Variants in CAB39 observed in about 807,000 individuals in gnomAD.
The protein encoded by CAB39 is calcium-binding protein 39.
A neutral mutation model predicts 40.0 loss-of-function variants in CAB39; 8 were observed. The ratio of observed to expected loss-of-function variants is 0.20; its 90% CI spans 0.12 to 0.36. The LOEUF (loss-of-function observed/expected upper bound fraction) is 0.36, where lower values mean the gene tolerates loss of function less well. CAB39 is among the 10% of genes least tolerant of loss of function. CAB39 has a pLI of 1.00. For missense variants in CAB39, 270 were observed against 401.1 expected, an observed-to-expected ratio of 0.67 and a Z score of 2.79; for synonymous variants, 156 against 141.6, an observed-to-expected ratio of 1.10 and a Z score of -0.72.
chr2:230,744,202 A>G (rs1694933586), intron 1 of CAB39, among the ~76,000 whole-genome samples: 1 of 152,108 alleles, frequency 6.6e-6, no homozygotes, highest in Non-Finnish European at 1.5e-5. Context: ...TACAGGCGTG[A>G]GCCACCGTGC....
intron 1 of CAB39, among the ~76,000 whole-genome samples, chr2:230,716,781 T>G (rs1421848485): frequency 2.0e-5 from 3 of 152,160 alleles, no homozygotes; most frequent in East Asian, 3.9e-4. Context: ...GTGGGAGGAT[T>G]GCTTGAGCCC....
intron 4 of CAB39, among the ~76,000 whole-genome samples, chr2:230,798,490 G>A (rs1696029618): frequency 6.6e-6 from 1 of 152,176 alleles, no homozygotes; most frequent in African/African-American, 2.4e-5. Flanking sequence ...CACTCGTATG[G>A]CTATTTTTCT....
intron 8 of CAB39, 55 bp from the exon 9 acceptor site, chr2:230,818,461 G>C: frequency 1.4e-6 from 2 of 1,422,532 alleles, no homozygotes; most frequent in South Asian, 2.5e-5. Context: ...CGCAGCTCAG[G>C]TGTGGCTGCG....
chr2:230,756,804 T>C (rs1384054108), intron 1 of CAB39, among the ~76,000 whole-genome samples: 1 of 152,074 alleles, frequency 6.6e-6, no homozygotes, highest in Non-Finnish European at 1.5e-5. Context: ...GCCATTCTCC[T>C]GCCTCAGCCT....
At chr2:230,773,314 ATGTGTGTG>A (rs71052549) in intron 2 of CAB39, among the ~76,000 whole-genome samples, 51 of 132,684 alleles carry the variant, frequency 3.8e-4, no homozygotes, top group African/African-American at 1.3e-3. Flanking sequence ...ATATATATAT[ATGTGTGTG>A]TGTGTGTGTG....
chr2:230,771,824 G>T (rs1695487621), intron 2 of CAB39, among the ~76,000 whole-genome samples: 2 of 152,168 alleles, frequency 1.3e-5, no homozygotes, highest in Non-Finnish European at 2.9e-5. Flanking sequence ...TTTGACAAAG[G>T]CATAAATGCA....
chr2:230,783,323 A>G (rs1351248010), intron 2 of CAB39, among the ~76,000 whole-genome samples: 1 of 152,236 alleles, frequency 6.6e-6, no homozygotes, highest in Non-Finnish European at 1.5e-5. Flanking sequence ...ACTCTTTGTT[A>G]GGAAGACATC....
intron 5 of CAB39, among the ~76,000 whole-genome samples, chr2:230,802,490 C>T (rs1380040938): frequency 6.6e-6 from 1 of 151,854 alleles, no homozygotes. Context: ...TTGAAAAGAT[C>T]AACAAAATTG....
intron 5 of CAB39, among the ~76,000 whole-genome samples, chr2:230,803,021 A>G (rs1261562125): frequency 6.6e-6 from 1 of 152,232 alleles, no homozygotes; most frequent in Non-Finnish European, 1.5e-5. Flanking sequence ...ATACTGGCGA[A>G]CTGAATCCAG....
At chr2:230,744,808 A>G (rs1360982854) in intron 1 of CAB39, among the ~76,000 whole-genome samples, 1 of 152,244 alleles carries the variant, frequency 6.6e-6, no homozygotes, top group East Asian at 1.9e-4. Flanking sequence ...CTCAATAAGT[A>G]TTTGAGGTTT....
At chr2:230,736,012 C>T (rs1469955970) in intron 1 of CAB39, among the ~76,000 whole-genome samples, 1 of 152,052 alleles carries the variant, frequency 6.6e-6, no homozygotes, top group South Asian at 2.1e-4. Flanking sequence ...AAGAGTTATG[C>T]CGACCATCTC....
Position 230,817,822 on chromosome 2 carries a change from G to A in CAB39, c.762G>A (p.Glu254=). The change falls in exon 8 of 9, where the codon GAG becomes GAA. Residue 254 remains glutamate (E), a synonymous_variant. Transcript: ENST00000258418. The stretch of plus-strand genomic sequence containing the variant: ...TGACAAAATACATCAGTAAACCTGA[G>A]AACCTCAAATTAATGATGAACCTGC... ...TIMTKYISKP[E]NLKLMMNLLR... is the part of the protein sequence containing the mutation. 2 of 1,612,612 alleles carry A rather than the reference G, an allele frequency of 1.2e-6. No homozygotes were observed. The highest frequency in any genetic ancestry group is 1.7e-5 in the Admixed American group (1 of 59,806).
chr2:230,820,271 A>G lies in CAB39; in HGVS notation c.*1567A>G, dbSNP rs1357458663. The G allele has an allele frequency of 6.6e-6, 1 of 152,212 alleles. No individual in the cohort carries two copies. Among genetic ancestry groups the G allele is most frequent in the African/African-American group, 2.4e-5 (1 of 41,432 alleles). 9.4% of individuals were successfully genotyped at this position (152,212 alleles called of 1,614,324 possible). On this transcript the variant is annotated 3_prime_UTR_variant, in exon 9 of 9. Transcript: ENST00000258418. ...TTATTCTTTGCTAGCCTCTCTTACT[A>G]ATGGAATTATATACTGGCCAGTAAA...
At chr2:230,775,557 A>G (rs1695571141) in intron 2 of CAB39, among the ~76,000 whole-genome samples, 1 of 152,164 alleles carries the variant, frequency 6.6e-6, no homozygotes, top group Non-Finnish European at 1.5e-5. Flanking sequence ...TCTTAACAAT[A>G]ACTAGTTATA....
intron 8 of CAB39, chr2:230,818,242 A>C (rs1445044526): frequency 4.4e-6 from 2 of 451,258 alleles, no homozygotes; most frequent in Non-Finnish European, 7.8e-6. Context: ...ATTTCTGCCC[A>C]TTTTATTCTA....
At chr2:230,720,137 A>G (rs763035912) in intron 1 of CAB39, among the ~76,000 whole-genome samples, 2 of 152,216 alleles carry the variant, frequency 1.3e-5, no homozygotes, top group South Asian at 2.1e-4. Flanking sequence ...CGTTGTCACA[A>G]TTGTGTTGTA....
chr2:230,738,851 G>A (rs953819126), intron 1 of CAB39, among the ~76,000 whole-genome samples: 4 of 152,112 alleles, frequency 2.6e-5, no homozygotes, highest in Non-Finnish European at 4.4e-5. Flanking sequence ...TAAGTTTAAG[G>A]TTATAAATTT....
At chr2:230,782,805 C>CTTTTTTTTT (rs1559609011) in intron 2 of CAB39, among the ~76,000 whole-genome samples, 3 of 108,438 alleles carry the variant, frequency 2.8e-5, no homozygotes, top group African/African-American at 1.7e-4. Flanking sequence ...TTCTTTCTTT[C>CTTTTTTTTT]TTTCTTTCTT....
intron 1 of CAB39, chr2:230,713,574 C>G (rs1694292354): frequency 6.6e-6 from 1 of 152,398 alleles, no homozygotes; most frequent in South Asian, 2.1e-4. Context: ...AAGTGCGGGC[C>G]GGGTCAACTG....
Sources: gnomAD v4.1 joint callset for allele counts (sites outside exome capture counted in the v4.1 genomes callset) on GRCh38, gnomAD v4.1.1 for gene constraint, MANE v1.5 for transcripts, NCBI Gene and HGNC (gene_info 2026-07-23, HGNC 2026-07-21) for gene names.